Variants in SYAP1 observed in about 807,000 individuals in gnomAD.
SYAP1 encodes synapse associated protein 1.
A neutral mutation model predicts 29.6 loss-of-function variants in SYAP1; 3 were observed. The ratio of observed to expected loss-of-function variants is 0.10; its 90% confidence interval spans 0.05 to 0.26. The LOEUF (loss-of-function observed/expected upper bound fraction) is 0.26, where lower values mean the gene tolerates loss of function less well. Among genes scored for constraint, SYAP1 ranks in the 10% least tolerant of loss-of-function variants. SYAP1 has a pLI of 1.00. For synonymous variants in SYAP1, 102 were observed against 102.7 expected, an observed-to-expected ratio of 0.99 and a Z score of 0.04; for missense variants, 217 against 264.1, an observed-to-expected ratio of 0.82 and a Z score of 1.24.
intron 1 of SYAP1, among the ~76,000 whole-genome samples, chrX:16,721,194 A>C (rs1203077354): frequency 1.8e-5 from 2 of 110,602 alleles, no homozygotes; most frequent in African/African-American, 6.6e-5. Flanking sequence ...GGAGGAGAGC[A>C]GCCTGAGAGT....
intron 3 of SYAP1, among the ~76,000 whole-genome samples, chrX:16,739,563 G>C (rs1049913582): frequency 1.0e-5 from 1 of 98,658 alleles, no homozygotes; most frequent in Admixed American, 1.2e-4. Context: ...TGCAACCTCT[G>C]CCCCCCGGGT....
intron 5 of SYAP1, among the ~76,000 whole-genome samples, chrX:16,744,369 G>A (rs1255757769): frequency 8.9e-6 from 1 of 112,621 alleles, no homozygotes; most frequent in Non-Finnish European, 1.9e-5. Flanking sequence ...TGGGTGTTCT[G>A]TCTCAAGCTC....
chrX:16,756,586 G>A (rs1449962052), intron 6 of SYAP1, 77 bp from the exon 7 acceptor site: 2 of 843,154 alleles, frequency 2.4e-6, no homozygotes, highest in African/African-American at 4.0e-5. Context: ...TAATACTTGT[G>A]GATATTTTAC....
At chrX:16,757,340 A>G (rs756794867) in intron 8 of SYAP1, 31 bp downstream of exon 8, 3 of 1,172,999 alleles carry the variant, frequency 2.6e-6, no homozygotes, top group South Asian at 3.8e-5. Context: ...AAGCAAAGAA[A>G]CTATTCGTCT....
At chrX:16,746,679 C>T (rs1177922117) in intron 5 of SYAP1, among the ~76,000 whole-genome samples, 1 of 111,350 alleles carries the variant, frequency 9.0e-6, no homozygotes, top group Non-Finnish European at 1.9e-5. Context: ...TCCCCACCTC[C>T]CAGGTTCAAG....
chrX:16,741,224 G>T (rs1324249096), intron 3 of SYAP1, among the ~76,000 whole-genome samples: 1 of 110,723 alleles, frequency 9.0e-6, no homozygotes, highest in African/African-American at 3.3e-5. Context: ...CTGAGACAGG[G>T]TCTCAACTCT....
Position 16,743,778 on chromosome X carries a change from C to T in SYAP1, c.513C>T (p.Ala171=), listed in dbSNP as rs1179867395. 5.8e-6 allele frequency: 7 copies of T among 1,208,569 alleles called. No individual in the cohort carries two copies. Among genetic ancestry groups the T allele is most frequent in the African/African-American group, 1.8e-5 (1 of 56,933 alleles). Residue 171 remains alanine (A), a synonymous_variant, in exon 5 of 9, where the codon GCC becomes GCT. Coordinates refer to ENST00000380155, the MANE Select transcript of SYAP1 (RefSeq NM_032796.4). ...NFDFDQMYPV[A]LVMLQEDELL... ...ACTTTGATCAGATGTACCCCGTGGC[C>T]CTGGTCATGCTCCAGGAGGATGAGC... is the stretch of plus-strand genomic sequence containing the variant.
Position 16,760,431 on chromosome X carries a change from C to G in SYAP1, c.*72C>G. 1 of 982,278 alleles carries G rather than the reference C, an allele frequency of 1.0e-6. No individual in the cohort carries two copies. Among genetic ancestry groups the G allele is most frequent in the East Asian group, 3.5e-5 (1 of 28,802 alleles). The allele number at this position is 982,278 out of a possible 1,213,427, so 81.0% of individuals were successfully genotyped here. On this transcript the variant is annotated 3_prime_UTR_variant, in exon 9 of 9. Transcript: ENST00000380155. ...ATTAAATTCTAGATGTTGACAATTA[C>G]TGAATCAGAAGGCATGAAAGAGTAT... is the stretch of plus-strand genomic sequence containing the variant.
In SYAP1 at chrX:16,763,726, T is replaced by A. The variant is rs1406402837; in HGVS notation, c.*3367T>A. 1 of 111,832 alleles carries A rather than the reference T, an allele frequency of 8.9e-6. No individual in the cohort carries two copies. The highest frequency in any genetic ancestry group is 2.8e-4 in the East Asian group (1 of 3,598). 9.2% of individuals were successfully genotyped at this position (111,832 alleles called of 1,213,427 possible). ...GCAGCAATTACACTTGTACTCCCAG[T>A]GATTTAAGATGCACTATTGTAATCA... is the stretch of plus-strand genomic sequence containing the variant. On this transcript the variant is annotated 3_prime_UTR_variant, in exon 9 of 9. Transcript: ENST00000380155.
intron 5 of SYAP1, 129 bp downstream of exon 5, chrX:16,743,969 C>G (rs1466777518): frequency 2.7e-6 from 2 of 737,368 alleles, no homozygotes; most frequent in African/African-American, 4.3e-5. Context: ...CCTTTGGCAG[C>G]TCCCCTGGTC....
intron 1 of SYAP1, among the ~76,000 whole-genome samples, chrX:16,734,250 G>T (rs1353267415): frequency 1.8e-5 from 2 of 108,546 alleles, no homozygotes; most frequent in African/African-American, 6.7e-5. Context: ...GTGGTGGCGG[G>T]CGCCTGTAAT....
chrX:16,745,809 G>C (rs1298243205), intron 5 of SYAP1, among the ~76,000 whole-genome samples: 1 of 109,028 alleles, frequency 9.2e-6, no homozygotes, highest in Non-Finnish European at 1.9e-5. Flanking sequence ...GACTGCCCTT[G>C]ACAGCGTCCA....
At chrX:16,744,506 TC>T (rs1926551097) in intron 5 of SYAP1, among the ~76,000 whole-genome samples, 1 of 112,701 alleles carries the variant, frequency 8.9e-6, no homozygotes, top group Non-Finnish European at 1.9e-5. Flanking sequence ...ATCTTACTGT[TC>T]CCTGAGTACG....
chrX:16,748,770 T>C (rs969334188), intron 5 of SYAP1, among the ~76,000 whole-genome samples: 5 of 108,989 alleles, frequency 4.6e-5, no homozygotes, highest in African/African-American at 1.7e-4. Context: ...CTTTTTTTTT[T>C]TTGAGACAGA....
chrX:16,731,953 A>G (rs1364821232), intron 1 of SYAP1, among the ~76,000 whole-genome samples: 1 of 111,430 alleles, frequency 9.0e-6, no homozygotes, highest in Non-Finnish European at 1.9e-5. Flanking sequence ...AAAAAAAAAA[A>G]TTACACAGCA....
intron 5 of SYAP1, 97 bp downstream of exon 5, chrX:16,743,937 T>A: frequency 1.0e-6 from 1 of 1,003,195 alleles, no homozygotes; most frequent in East Asian, 3.2e-5. Flanking sequence ...CTCTATCTGT[T>A]CATAAAAGCA....
rs1375724036 is a variant in SYAP1, at chrX:16,761,657, A to T, written c.*1298A>T. On this transcript the variant is annotated 3_prime_UTR_variant, in exon 9 of 9. Coordinates refer to ENST00000380155, the MANE Select transcript of SYAP1 (RefSeq NM_032796.4). ...CACTGCACTCCAGCCTGGGTGACAG[A>T]GTGAGAGACTCCGTCTCAAAAATGA... 2 of 109,931 alleles carry T rather than the reference A, an allele frequency of 1.8e-5. No individual in the cohort carries two copies. Among genetic ancestry groups the T allele is most frequent in the Non-Finnish European group, 3.8e-5 (2 of 52,957 alleles). The allele number at this position is 109,931 out of a possible 1,213,427, so 9.1% of individuals were successfully genotyped here. A position where few individuals can be genotyped will look rare whatever the true frequency, so the allele number is the denominator to read the frequency against.
intron 1 of SYAP1, among the ~76,000 whole-genome samples, chrX:16,732,378 TG>T: frequency 9.2e-6 from 1 of 108,187 alleles, no homozygotes; most frequent in South Asian, 3.9e-4. Flanking sequence ...ATAAGGTCAC[TG>T]GCTTTTTTTT....
Position 16,741,797 on chromosome X carries a change from T to A in SYAP1, c.435+8T>A. 8.6e-7 allele frequency: 1 copy of A among 1,158,632 alleles called. No individual in the cohort carries two copies. The highest frequency in any genetic ancestry group is 1.2e-6 in the Non-Finnish European group (1 of 850,405). On this transcript the variant is annotated splice_region_variant and intron_variant, in intron 4 of 8. Transcript: ENST00000380155. ...ATTTTGGCCTTATCAGCTGTAAGTA[T>A]CTTGTGGTACCCCAGATAGAACATA...
Sources: gnomAD v4.1 joint callset for allele counts (sites outside exome capture counted in the v4.1 genomes callset) on GRCh38, gnomAD v4.1.1 for gene constraint, MANE v1.5 for transcripts, NCBI Gene and HGNC (gene_info 2026-07-23, HGNC 2026-07-21) for gene names.